PALM2AKAP2: variants seen among roughly 807,000 people sequenced by gnomAD.
PALM2AKAP2 encodes PALM2-AKAP2 fusion protein.
PALM2AKAP2 carries 37 observed loss-of-function variants against 71.5 expected under a neutral mutation model. That is an observed-to-expected ratio of 0.52 (90% CI 0.40 to 0.68). The LOEUF (loss-of-function observed/expected upper bound fraction) is 0.68, where lower values mean the gene tolerates loss of function less well. Among genes scored for constraint, PALM2AKAP2 ranks in the 30% least tolerant of loss-of-function variants. The pLI is 0.00. For missense variants in PALM2AKAP2, 1,224 were observed against 1,191.8 expected (o/e 1.03, Z -0.40); for synonymous variants, 468 against 478.8 (o/e 0.98, Z 0.29).
intron 1 of PALM2AKAP2, among the ~76,000 whole-genome samples, chr9:109,691,369 C>T (rs1564114481): frequency 6.6e-6 from 1 of 151,974 alleles, no homozygotes; most frequent in Non-Finnish European, 1.5e-5. Context: ...TACAACATAG[C>T]CTCTTGGATC....
At chr9:109,958,582 A>G (rs1831790743) in intron 6 of PALM2AKAP2, among the ~76,000 whole-genome samples, 1 of 152,158 alleles carries the variant, frequency 6.6e-6, no homozygotes, top group Non-Finnish European at 1.5e-5. Flanking sequence ...GAGAGAAGAA[A>G]AAGAGAAGGA....
At chr9:109,756,329 T>G (rs1828963271) in intron 1 of PALM2AKAP2, among the ~76,000 whole-genome samples, 1 of 152,226 alleles carries the variant, frequency 6.6e-6, no homozygotes. Flanking sequence ...GGTATTTATT[T>G]GTATGTGAAT....
chr9:109,912,028 T>G (rs550701484), intron 3 of PALM2AKAP2, among the ~76,000 whole-genome samples: 1 of 152,276 alleles, frequency 6.6e-6, no homozygotes, highest in African/African-American at 2.4e-5. Flanking sequence ...ATTTGGGCTT[T>G]TATTATGATA....
intron 3 of PALM2AKAP2, among the ~76,000 whole-genome samples, chr9:110,160,742 A>T (rs1475487700): frequency 6.6e-6 from 1 of 152,162 alleles, no homozygotes; most frequent in Admixed American, 6.5e-5. Flanking sequence ...AGTTGAAGGG[A>T]TGCTGACCAG....
At chr9:110,016,902 C>T (rs765098010) in intron 7 of PALM2AKAP2, among the ~76,000 whole-genome samples, 7 of 151,784 alleles carry the variant, frequency 4.6e-5, no homozygotes, top group African/African-American at 4.8e-5. Flanking sequence ...TTTTTTGAGA[C>T]GGAGTCTCTC....
chr9:110,055,554 G>A (rs1464167742), intron 1 of PALM2AKAP2, among the ~76,000 whole-genome samples: 1 of 152,120 alleles, frequency 6.6e-6, no homozygotes, highest in African/African-American at 2.4e-5. Flanking sequence ...AGTGTTCTAC[G>A]CTTACGACCT....
intron 1 of PALM2AKAP2, among the ~76,000 whole-genome samples, chr9:110,093,491 G>C (rs10816923): frequency 0.2 from 30,712 of 152,124 alleles, 4,296 homozygotes; most frequent in African/African-American, 0.39. Flanking sequence ...AATTTAGCAA[G>C]ATTACCATTG....
chr9:109,967,434 G>A lies in PALM2AKAP2; in HGVS notation c.496+35406G>A, dbSNP rs143629845. Among the ~76,000 whole-genome samples, 1,429 of 149,052 alleles carry A rather than the reference G, an allele frequency of 9.6e-3. 28 individuals are homozygous for A. Among genetic ancestry groups the A allele is most frequent in the African/African-American group, 0.033 (1,347 of 40,370 alleles). The stretch of plus-strand genomic sequence containing the variant: ...GTCTTTTTTTTTTTTTTTTGAGACA[G>A]AGTTTCATTCTGTTGCCCAGGCTAG... On this transcript the variant is annotated intron_variant, in intron 6 of 9. Transcript: ENST00000302798.
At chr9:109,986,293 T>A (rs1832377954) in intron 6 of PALM2AKAP2, among the ~76,000 whole-genome samples, 1 of 152,240 alleles carries the variant, frequency 6.6e-6, no homozygotes, top group African/African-American at 2.4e-5. Context: ...AACCTTCCAA[T>A]TTTACAGTAA....
intron 1 of PALM2AKAP2, among the ~76,000 whole-genome samples, chr9:110,058,514 C>A (rs993703793): frequency 4.6e-5 from 7 of 152,108 alleles, no homozygotes; most frequent in African/African-American, 1.7e-4. Flanking sequence ...CGTTCTCAAG[C>A]AGGATATGCT....
At chr9:109,795,335 T>C (rs999105181) in intron 1 of PALM2AKAP2, among the ~76,000 whole-genome samples, 6 of 152,250 alleles carry the variant, frequency 3.9e-5, no homozygotes, top group African/African-American at 1.4e-4. Flanking sequence ...TAGGGATTTA[T>C]CCCTTTAAGT....
chr9:110,131,099 G>C (rs1188768527), intron 1 of PALM2AKAP2, among the ~76,000 whole-genome samples: 2 of 152,188 alleles, frequency 1.3e-5, no homozygotes, highest in Non-Finnish European at 2.9e-5. Context: ...ATGGTTGTCA[G>C]ACCCTGGAAT....
At chr9:109,870,226 A>G (rs1380680445) in intron 2 of PALM2AKAP2, among the ~76,000 whole-genome samples, 1 of 152,152 alleles carries the variant, frequency 6.6e-6, no homozygotes, top group Non-Finnish European at 1.5e-5. Flanking sequence ...TTATTTTGAT[A>G]TGAGGAAAGG....
At chr9:109,896,906 C>G (rs1830216786) in intron 3 of PALM2AKAP2, among the ~76,000 whole-genome samples, 1 of 152,208 alleles carries the variant, frequency 6.6e-6, no homozygotes, top group African/African-American at 2.4e-5. Flanking sequence ...CACTGGTTTT[C>G]AAATATCCTA....
At chr9:109,988,590 G>A (rs1388371725) in intron 6 of PALM2AKAP2, among the ~76,000 whole-genome samples, 4 of 71,028 alleles carry the variant, frequency 5.6e-5, no homozygotes, top group Non-Finnish European at 1.7e-4. Context: ...AAAAAAGGAA[G>A]AAAGGAAGGA....
At chr9:110,114,380 T>G (rs968239839) in intron 1 of PALM2AKAP2, among the ~76,000 whole-genome samples, 9 of 152,206 alleles carry the variant, frequency 5.9e-5, no homozygotes, top group Admixed American at 3.9e-4. Context: ...CCCAGTATGA[T>G]CTCATCTTAA....
intron 1 of PALM2AKAP2, chr9:109,862,940 G>A (rs1316637161): frequency 3.9e-6 from 2 of 513,810 alleles, no homozygotes; most frequent in Non-Finnish European, 7.8e-6. Flanking sequence ...GATCATGGTA[G>A]GGGGCCATGG....
chr9:110,115,701 A>T (rs1294164862), intron 1 of PALM2AKAP2, among the ~76,000 whole-genome samples: 1 of 152,196 alleles, frequency 6.6e-6, no homozygotes, highest in Non-Finnish European at 1.5e-5. Flanking sequence ...AAGACTATTC[A>T]TGAGTTCCCA....
intron 7 of PALM2AKAP2, among the ~76,000 whole-genome samples, chr9:110,042,205 T>C (rs888715668): frequency 3.9e-5 from 6 of 152,164 alleles, no homozygotes; most frequent in African/African-American, 1.4e-4. Flanking sequence ...AGCTTGCAGA[T>C]CACCTGAGGT....
Sources: gnomAD v4.1 joint callset for allele counts (sites outside exome capture counted in the v4.1 genomes callset) on GRCh38, gnomAD v4.1.1 for gene constraint, MANE v1.5 for transcripts, NCBI Gene and HGNC (gene_info 2026-07-23, HGNC 2026-07-21) for gene names.